The following ADD2 variants were observed in gnomAD, a reference collection of about 807,000 sequenced individuals.
ADD2 encodes the protein beta-adducin.
A neutral mutation model predicts 83.0 loss-of-function variants in ADD2; 23 were observed. The observed-to-expected ratio is 0.28, with a 90% CI of 0.20 to 0.39. ADD2 has a LOEUF of 0.39. ADD2 is among the 10% of genes least tolerant of loss of function. The pLI, the probability that ADD2 is intolerant of heterozygous loss-of-function variation, is 1.00. For synonymous variants in ADD2, 375 were observed against 375.4 expected, an observed-to-expected ratio of 1.00 and a Z score of 0.01; for missense variants, 758 against 944.9, an observed-to-expected ratio of 0.80 and a Z score of 2.59.
Position 70,662,368 on chromosome 2 carries a change from GA to G in ADD2, c.*1056del, listed in dbSNP as rs1168825830. 9 of 152,184 alleles carry G rather than the reference GA, an allele frequency of 5.9e-5. No individual in the cohort carries two copies. Among genetic ancestry groups the G allele is most frequent in the African/African-American group, 2.2e-4 (9 of 41,432 alleles). 9.4% of individuals were successfully genotyped at this position (152,184 alleles called of 1,614,324 possible). A position where few individuals can be genotyped will look rare whatever the true frequency, so the allele number is the denominator to read the frequency against. On this transcript the variant is annotated 3_prime_UTR_variant, in exon 16 of 16. Coordinates refer to ENST00000264436, the MANE Select transcript of ADD2 (RefSeq NM_001617.4). ...GATTCTCCTCTGCTGGACAAAGAAT[GA>G]CTGAGTTGGAACCTCAGAGGGTGCA...
intron 4 of ADD2, among the ~76,000 whole-genome samples, chr2:70,702,134 G>A (rs1387579046): frequency 6.6e-6 from 1 of 152,070 alleles, no homozygotes; most frequent in Non-Finnish European, 1.5e-5. Flanking sequence ...AAGGTCAATG[G>A]GGGGACTTGA....
chr2:70,738,965 T>C (rs1343241512), intron 1 of ADD2, among the ~76,000 whole-genome samples: 2 of 152,184 alleles, frequency 1.3e-5, no homozygotes, highest in African/African-American at 4.8e-5. Context: ...AATACCATTC[T>C]GGACATAGGA....
chr2:70,711,315 C>A (rs1442652442), intron 2 of ADD2: 1 of 152,106 alleles, frequency 6.6e-6, no homozygotes, highest in Admixed American at 6.5e-5. Context: ...TTCAACTGAA[C>A]CTGAGTTTAT....
intron 4 of ADD2, among the ~76,000 whole-genome samples, chr2:70,700,455 C>G (rs782039316): frequency 2.0e-5 from 3 of 151,818 alleles, no homozygotes; most frequent in Non-Finnish European, 4.4e-5. Context: ...CAAACATATA[C>G]TCATAGAAAA....
intron 8 of ADD2, among the ~76,000 whole-genome samples, chr2:70,689,260 A>G (rs190155061): frequency 7.9e-4 from 121 of 152,310 alleles, no homozygotes; most frequent in African/African-American, 2.6e-3. Flanking sequence ...CAACTCCCCA[A>G]AGTTCAACTG....
chr2:70,673,379 G>T (rs1553367545), intron 14 of ADD2: 3 of 1,526,224 alleles, frequency 2.0e-6, no homozygotes, highest in South Asian at 1.1e-5. Flanking sequence ...CACATCAACG[G>T]GTAAGAGGTG....
chr2:70,679,129 G>A (rs543977592), intron 10 of ADD2, among the ~76,000 whole-genome samples, 168 bp from the exon 11 acceptor site: 87 of 152,280 alleles, frequency 5.7e-4, no homozygotes, highest in African/African-American at 1.7e-3. Context: ...TTTCAGAACT[G>A]TTCCCTCCTC....
At chr2:70,681,381 C>T (rs1236253703) in intron 10 of ADD2, among the ~76,000 whole-genome samples, 1 of 152,198 alleles carries the variant, frequency 6.6e-6, no homozygotes, top group East Asian at 1.9e-4. Context: ...GGCACAGTGG[C>T]TCACACCTGT....
chr2:70,668,256 G>A (rs1669740593), intron 15 of ADD2, among the ~76,000 whole-genome samples: 1 of 152,022 alleles, frequency 6.6e-6, no homozygotes, highest in Admixed American at 6.5e-5. Flanking sequence ...CTGTTTCTCT[G>A]GAGAACTCTA....
chr2:70,767,449 C>T (rs1157588780), intron 1 of ADD2: 4 of 210,116 alleles, frequency 1.9e-5, no homozygotes, highest in Non-Finnish European at 2.5e-5. Flanking sequence ...CGCCCAGCCC[C>T]GCCAAGCCCG....
chr2:70,675,612 G>A, intron 13 of ADD2: 2 of 985,462 alleles, frequency 2.0e-6, no homozygotes, highest in Non-Finnish European at 2.4e-6. Flanking sequence ...TGGCCTTTGA[G>A]GATGCAGTGC....
intron 2 of ADD2, among the ~76,000 whole-genome samples, chr2:70,708,292 C>G (rs1200092307): frequency 1.3e-5 from 2 of 152,196 alleles, no homozygotes; most frequent in Admixed American, 1.3e-4. Flanking sequence ...CAAGGGTCAG[C>G]TGATGGCCTG....
At position 70,725,958 on chromosome 2, in the gene ADD2, C is replaced by T. The variant is rs184617346; in HGVS notation, c.-153-12774G>A. Among the ~76,000 whole-genome samples, 1,144 of 151,978 alleles carry T rather than the reference C, an allele frequency of 7.5e-3. 5 individuals carry two copies. Among genetic ancestry groups the T allele is most frequent in the Non-Finnish European group, 0.012 (831 of 67,944 alleles). Reference sequence around the variant, plus strand: ...AATGTATTGTCTTGGGAGGCCAAGGCGGGCGGATCACGAGGTCAGGAGATC... The same window carrying T: ...AATGTATTGTCTTGGGAGGCCAAGGTGGGCGGATCACGAGGTCAGGAGATC... On this transcript the variant is annotated intron_variant, in intron 1 of 15. Transcript: ENST00000264436.
chr2:70,661,168 A>AC lies in ADD2; in HGVS notation c.*2256dup, dbSNP rs1188690730. On this transcript the variant is annotated 3_prime_UTR_variant, in exon 16 of 16. Coordinates refer to ENST00000264436, the MANE Select transcript of ADD2 (RefSeq NM_001617.4). Reference sequence around the variant, plus strand: ...GTTGAATGCAGAGGCAATCAACATCACCCCCGAAGTAGAACAACTCGCACA... The same window carrying AC: ...GTTGAATGCAGAGGCAATCAACATCACCCCCCGAAGTAGAACAACTCGCACA... The AC allele has an allele frequency of 6.6e-6, 1 of 152,062 alleles. No homozygotes were observed. The highest frequency in any genetic ancestry group is 1.5e-5 in the Non-Finnish European group (1 of 68,018). 9.4% of individuals were successfully genotyped at this position (152,062 alleles called of 1,614,324 possible).
In ADD2 at chr2:70,720,973, A is replaced by G. The variant is rs12053517; in HGVS notation, c.-153-7789T>C. On this transcript the variant is annotated intron_variant, in intron 1 of 15. Transcript: ENST00000264436. ...CTCTAGGAAATGACGCAGCCACCAA[A>G]TGGAAGAAAGTGGGAAGTCACTGCA... 6.6e-5 allele frequency among the ~76,000 whole-genome samples: 10 copies of G among 152,314 alleles called. No homozygotes were observed. The East Asian group carries it at 1.5e-3, about 24-fold the overall frequency.
intron 1 of ADD2, among the ~76,000 whole-genome samples, chr2:70,721,840 T>G (rs1196920894): frequency 6.6e-6 from 1 of 152,320 alleles, no homozygotes; most frequent in Non-Finnish European, 1.5e-5. Context: ...TATAGAAAAC[T>G]TAAAATTCAA....
rs1227760828 is a variant in ADD2, at chr2:70,676,644, T to C, written c.1593+152A>G. The C allele has an allele frequency of 2.7e-6, 4 of 1,479,602 alleles. No homozygotes were observed. Among genetic ancestry groups the C allele is most frequent in the East Asian group, 5.0e-5 (2 of 40,040 alleles). 91.7% of individuals were successfully genotyped at this position (1,479,602 alleles called of 1,614,324 possible). A position where few individuals can be genotyped will look rare whatever the true frequency, so the allele number is the denominator to read the frequency against. On this transcript the variant is annotated intron_variant, in intron 13 of 15. Transcript: ENST00000264436. This position sits in a 1 kb window ranked among gnomAD's most constrained non-coding sequence, Gnocchi z 4.8. The stretch of plus-strand genomic sequence containing the variant: ...TGGTCCTCACAGCACCCCTGTGAGG[T>C]TGGCCTCCATTTTGCAGCAAGAGCA...
intron 1 of ADD2, among the ~76,000 whole-genome samples, chr2:70,759,704 G>A (rs1488718408): frequency 2.0e-5 from 3 of 152,068 alleles, no homozygotes; most frequent in Non-Finnish European, 1.5e-5. Flanking sequence ...TTTCTGTCAG[G>A]AGTGGAAGTG....
At chr2:70,665,193 G>A (rs1339330909) in intron 15 of ADD2, among the ~76,000 whole-genome samples, 6 of 152,116 alleles carry the variant, frequency 3.9e-5, no homozygotes, top group Non-Finnish European at 8.8e-5. Flanking sequence ...GGTGAAGTCT[G>A]GGGAAGTGCA....
Sources: allele counts gnomAD v4.1 joint callset (sites outside exome capture counted in the v4.1 genomes callset), GRCh38; gene constraint gnomAD v4.1.1; non-coding constraint Gnocchi (gnomAD v3.1); transcripts MANE v1.5; gene names NCBI Gene and HGNC (gene_info 2026-07-23, HGNC 2026-07-21).